The following MRTFA variants were observed in gnomAD, a reference collection of about 807,000 sequenced individuals.
The protein encoded by MRTFA is myocardin-related transcription factor A.
In MRTFA, 20 loss-of-function variants were observed where a neutral mutation model predicts 83.5. The ratio of observed to expected loss-of-function variants is 0.24; its 90% confidence interval spans 0.17 to 0.35. The LOEUF (loss-of-function observed/expected upper bound fraction) is 0.35. MRTFA is among the 10% of genes least tolerant of loss of function. The pLI, the probability that MRTFA is intolerant of heterozygous loss-of-function variation, is 1.00. For missense variants in MRTFA, 1,200 were observed against 1,224.7 expected, an observed-to-expected ratio of 0.98 and a Z score of 0.30; for synonymous variants, 659 against 541.2, an observed-to-expected ratio of 1.22 and a Z score of -3.02.
chr22:40,526,142 T>C (rs2054968175), intron 3 of MRTFA: 1 of 152,134 alleles, frequency 6.6e-6, no homozygotes, highest in South Asian at 2.1e-4. Context: ...CAGCCTCCTG[T>C]GTAGCTGGTA....
At chr22:40,475,679 CAT>C (rs958770896) in intron 3 of MRTFA, among the ~76,000 whole-genome samples, 3 of 152,180 alleles carry the variant, frequency 2.0e-5, no homozygotes, top group Admixed American at 6.5e-5. Context: ...GTGTGAGACA[CAT>C]GTGTACATTA....
chr22:40,515,504 G>T (rs549691788), intron 3 of MRTFA, among the ~76,000 whole-genome samples: 13 of 151,984 alleles, frequency 8.6e-5, no homozygotes, highest in African/African-American at 2.9e-4. Context: ...GATCAGCCTG[G>T]CAATAGAGCA....
chr22:40,511,294 A>G (rs2054663711), intron 3 of MRTFA, among the ~76,000 whole-genome samples: 1 of 152,198 alleles, frequency 6.6e-6, no homozygotes, highest in African/African-American at 2.4e-5. Context: ...AGGAATTGAG[A>G]CTGACTCCTA....
At chr22:40,524,870 C>A (rs188621813) in intron 3 of MRTFA, among the ~76,000 whole-genome samples, 7 of 152,318 alleles carry the variant, frequency 4.6e-5, no homozygotes, top group Admixed American at 2.6e-4. Context: ...TGCAATGTCG[C>A]AATCTCGGCT....
At chr22:40,429,963 C>G (rs1161390373) in intron 6 of MRTFA, among the ~76,000 whole-genome samples, 196 bp from the exon 7 acceptor site, 2 of 152,074 alleles carry the variant, frequency 1.3e-5, no homozygotes, top group East Asian at 1.9e-4. Flanking sequence ...TGTGACCAGG[C>G]AGTGCACAGT....
At chr22:40,570,711 C>T (rs2055777879) in intron 2 of MRTFA, among the ~76,000 whole-genome samples, 1 of 151,206 alleles carries the variant, frequency 6.6e-6, no homozygotes, top group African/African-American at 2.4e-5. Flanking sequence ...AGGAAGAGGC[C>T]ACATGTTGAG....
chr22:40,424,371 C>G lies in MRTFA; in HGVS notation c.612G>C (p.Val204=), dbSNP rs531643858. 1.3e-5 allele frequency: 21 copies of G among 1,613,166 alleles called. No homozygotes were observed. The African/African-American group carries it at 1.3e-4, about 10-fold the overall frequency. The change falls in exon 8 of 15, where the codon GTG becomes GTC. Residue 204 remains valine, a synonymous_variant. Coordinates refer to ENST00000355630, the MANE Select transcript of MRTFA (RefSeq NM_020831.6). ...AGCTGTCTGCTACTTTGGGATAGTT[C>G]ACCTGGCCCACTGAAACCCAAAGCT...
chr22:40,450,930 T>A (rs2053475273), intron 4 of MRTFA, among the ~76,000 whole-genome samples: 1 of 152,204 alleles, frequency 6.6e-6, no homozygotes, highest in Non-Finnish European at 1.5e-5. Context: ...TCAGTGCCCG[T>A]GTAACCTACA....
chr22:40,614,510 C>T (rs1602497054), intron 1 of MRTFA, among the ~76,000 whole-genome samples: 1 of 151,898 alleles, frequency 6.6e-6, no homozygotes, highest in Admixed American at 6.6e-5. Context: ...TCTTTTGAGA[C>T]GGAGTTTCGC....
chr22:40,512,839 A>G (rs2054689528), intron 3 of MRTFA, among the ~76,000 whole-genome samples: 1 of 152,236 alleles, frequency 6.6e-6, no homozygotes, highest in African/African-American at 2.4e-5. Flanking sequence ...ATTCATACCC[A>G]TAACACCACC....
At chr22:40,511,191 T>C (rs1191230940) in intron 3 of MRTFA, among the ~76,000 whole-genome samples, 2 of 151,922 alleles carry the variant, frequency 1.3e-5, no homozygotes, top group Non-Finnish European at 2.9e-5. Context: ...CAATATGATA[T>C]AGGGCAGAGA....
intron 14 of MRTFA, among the ~76,000 whole-genome samples, chr22:40,413,171 G>A (rs1299471405): frequency 1.4e-5 from 2 of 139,426 alleles, no homozygotes; most frequent in African/African-American, 2.6e-5. Context: ...AAAAGGTTAT[G>A]ATGGGTTGGG....
At chr22:40,458,564 C>T (rs1031262982) in intron 4 of MRTFA, among the ~76,000 whole-genome samples, 5 of 152,148 alleles carry the variant, frequency 3.3e-5, no homozygotes, top group South Asian at 2.1e-4. Flanking sequence ...GCCAGTCCTA[C>T]GTGGTAACTA....
At chr22:40,431,516 A>G (rs760844387) in intron 5 of MRTFA, 36 bp from the exon 6 acceptor site, 2 of 1,597,220 alleles carry the variant, frequency 1.3e-6, no homozygotes, top group South Asian at 2.2e-5. Flanking sequence ...TCTCAAATCC[A>G]GGTCACAGGC....
intron 2 of MRTFA, among the ~76,000 whole-genome samples, chr22:40,566,290 G>A (rs1274421111): frequency 1.3e-5 from 2 of 150,658 alleles, no homozygotes; most frequent in East Asian, 2.0e-4. Flanking sequence ...GCGTGATCTC[G>A]GCTTACTGCA....
intron 3 of MRTFA, among the ~76,000 whole-genome samples, chr22:40,531,358 G>A (rs1184159843): frequency 6.6e-6 from 1 of 150,456 alleles, no homozygotes; most frequent in Non-Finnish European, 1.5e-5. Context: ...TGAAGTGTTG[G>A]GATTACAGGT....
chr22:40,520,753 T>C (rs2054852283), intron 3 of MRTFA, among the ~76,000 whole-genome samples: 1 of 152,260 alleles, frequency 6.6e-6, no homozygotes, highest in Non-Finnish European at 1.5e-5. Flanking sequence ...TTTCTTTTTA[T>C]GAGTGAATAA....
chr22:40,596,889 C>T (rs186360760), intron 1 of MRTFA, among the ~76,000 whole-genome samples: 1 of 152,024 alleles, frequency 6.6e-6, no homozygotes, highest in East Asian at 1.9e-4. Flanking sequence ...GCATGAGAAT[C>T]ACTTGAACCT....
At chr22:40,587,472 T>C (rs776575322) in intron 2 of MRTFA, 2 of 331,836 alleles carry the variant, frequency 6.0e-6, no homozygotes, top group South Asian at 5.0e-5. Context: ...CCCTTTTTTG[T>C]ATCACTCCAG....
Sources: gnomAD v4.1 joint callset for allele counts (sites outside exome capture counted in the v4.1 genomes callset) on GRCh38, gnomAD v4.1.1 for gene constraint, MANE v1.5 for transcripts, NCBI Gene and HGNC (gene_info 2026-07-23, HGNC 2026-07-21) for gene names.